Variants in GLIS3 observed in about 807,000 individuals in gnomAD.
GLIS3 encodes the protein zinc finger protein GLIS3.
A neutral mutation model predicts 78.6 loss-of-function variants in GLIS3; 53 were observed. The ratio of observed to expected loss-of-function variants is 0.67; its 90% CI spans 0.54 to 0.85. The LOEUF (loss-of-function observed/expected upper bound fraction) is 0.85, where lower values mean the gene tolerates loss of function less well. Among genes scored for constraint, GLIS3 ranks in the 40% least tolerant of loss-of-function variants. The pLI is 0.00. For missense variants in GLIS3, 1,703 were observed against 1,231.1 expected (o/e 1.38, Z -5.74); for synonymous variants, 684 against 509.9 (o/e 1.34, Z -4.60).
chr9:4,363,262 A>C, the GLIS3 span, among the ~76,000 whole-genome samples: 3 of 152,166 alleles, frequency 2.0e-5, no homozygotes, highest in Admixed American at 2.0e-4. Flanking sequence ...GTCTCTACTA[A>C]AAATACAAAA....
intron 2 of GLIS3, among the ~76,000 whole-genome samples, chr9:4,319,664 G>C (rs149655725): frequency 3.7e-4 from 56 of 152,110 alleles, no homozygotes; most frequent in Non-Finnish European, 6.0e-4. Flanking sequence ...CAGGTAGCTA[G>C]GACTATAGGT....
intron 2 of GLIS3, among the ~76,000 whole-genome samples, chr9:4,321,337 G>A (rs1248786056): frequency 7.9e-6 from 1 of 126,234 alleles, no homozygotes; most frequent in Non-Finnish European, 1.5e-5. Flanking sequence ...CAGGAGAATG[G>A]CGTGAACCCA....
chr9:4,421,419 AGAAAGCTGGCTGGTCTGATG>A, the GLIS3 span, among the ~76,000 whole-genome samples: 2 of 152,258 alleles, frequency 1.3e-5, no homozygotes, highest in Non-Finnish European at 2.9e-5. Context: ...CAGCCCAAAG[AGAAAGCTGGCTGGTCTGATG>A]GAAGTCCCAA....
the GLIS3 span, among the ~76,000 whole-genome samples, chr9:4,359,533 G>A: frequency 6.6e-6 from 1 of 152,110 alleles, no homozygotes; most frequent in Admixed American, 6.5e-5. Flanking sequence ...ATCTGCAGAG[G>A]AATAATAGCT....
At chr9:3,839,623 A>T (rs371297663) in intron 9 of GLIS3, among the ~76,000 whole-genome samples, 1 of 151,788 alleles carries the variant, frequency 6.6e-6, no homozygotes, top group Non-Finnish European at 1.5e-5. Context: ...AACTGAATTT[A>T]TCCAAATCCT....
the GLIS3 span, among the ~76,000 whole-genome samples, chr9:4,431,485 C>T: frequency 2.0e-5 from 3 of 152,128 alleles, no homozygotes; most frequent in South Asian, 2.1e-4. Flanking sequence ...ATCAGGGAGT[C>T]GGGATCTTTT....
chr9:3,851,622 C>T (rs1024063165), intron 9 of GLIS3, among the ~76,000 whole-genome samples: 2 of 152,146 alleles, frequency 1.3e-5, no homozygotes, highest in Non-Finnish European at 2.9e-5. Context: ...GGAGAGCACA[C>T]AATGTCTAGG....
chr9:4,419,593 A>G, the GLIS3 span, among the ~76,000 whole-genome samples: 1 of 152,118 alleles, frequency 6.6e-6, no homozygotes, highest in Non-Finnish European at 1.5e-5. Context: ...AGTTCAAGCC[A>G]ATATTGTGAA....
At chr9:4,043,649 A>T (rs1825014126) in intron 4 of GLIS3, among the ~76,000 whole-genome samples, 1 of 152,170 alleles carries the variant, frequency 6.6e-6, no homozygotes, top group South Asian at 2.1e-4. Context: ...GCTCCCAGGA[A>T]AACCTTCTTC....
At chr9:4,262,164 A>AG (rs1825592845) in intron 2 of GLIS3, among the ~76,000 whole-genome samples, 1 of 152,114 alleles carries the variant, frequency 6.6e-6, no homozygotes, top group African/African-American at 2.4e-5. Flanking sequence ...GTGCAGTGCA[A>AG]GGGGGAGAAA....
chr9:4,395,976 G>T, the GLIS3 span, among the ~76,000 whole-genome samples: 1 of 151,664 alleles, frequency 6.6e-6, no homozygotes, highest in Non-Finnish European at 1.5e-5. Flanking sequence ...GTTTCACCAT[G>T]TTGGCTAGGA....
intron 2 of GLIS3, among the ~76,000 whole-genome samples, chr9:4,342,558 G>C (rs1420042375): frequency 1.3e-5 from 2 of 152,132 alleles, no homozygotes; most frequent in Non-Finnish European, 2.9e-5. Flanking sequence ...TTTTTGCTTA[G>C]AATTGCTGTG....
intron 4 of GLIS3, among the ~76,000 whole-genome samples, chr9:3,937,630 GA>G (rs1231970814): frequency 3.3e-5 from 5 of 152,086 alleles, no homozygotes; most frequent in Non-Finnish European, 7.4e-5. Flanking sequence ...TGATATATGA[GA>G]AAAAGGAGAA....
At chr9:3,837,517 C>T (rs770588258) in intron 9 of GLIS3, among the ~76,000 whole-genome samples, 10 of 152,140 alleles carry the variant, frequency 6.6e-5, no homozygotes, top group Non-Finnish European at 1.0e-4. Flanking sequence ...TGGAAGCAAC[C>T]GAGATTTCCT....
chr9:3,845,174 C>T (rs1481042446), intron 9 of GLIS3, among the ~76,000 whole-genome samples: 2 of 151,744 alleles, frequency 1.3e-5, no homozygotes, highest in African/African-American at 4.8e-5. Context: ...AAATGTTCAT[C>T]AATAAGGGAA....
chr9:4,170,663 G>A (rs1475060), intron 2 of GLIS3, among the ~76,000 whole-genome samples: 1 of 151,616 alleles, frequency 6.6e-6, no homozygotes. Flanking sequence ...AGGCTTACAC[G>A]AAATGTACGG....
chr9:4,188,716 T>C (rs1313598206), intron 2 of GLIS3, among the ~76,000 whole-genome samples: 4 of 152,226 alleles, frequency 2.6e-5, no homozygotes, highest in Admixed American at 2.6e-4. Context: ...CTTCCTGGTT[T>C]AGTCATGGGA....
At chr9:4,140,660 G>C (rs962802671) in intron 2 of GLIS3, among the ~76,000 whole-genome samples, 2 of 152,116 alleles carry the variant, frequency 1.3e-5, no homozygotes, top group Non-Finnish European at 2.9e-5. Context: ...GACTGTAATT[G>C]TTAACTCTGA....
At chr9:4,074,096 G>A (rs1032717388) in intron 4 of GLIS3, among the ~76,000 whole-genome samples, 5 of 152,114 alleles carry the variant, frequency 3.3e-5, no homozygotes, top group South Asian at 4.1e-4. Flanking sequence ...CCCTTCCGCC[G>A]GACTGGTTCC....
Sources: allele counts gnomAD v4.1 joint callset (sites outside exome capture counted in the v4.1 genomes callset), GRCh38; gene constraint gnomAD v4.1.1; transcripts MANE v1.5; gene names NCBI Gene and HGNC (gene_info 2026-07-23, HGNC 2026-07-21).